The following BRWD3 variants were observed in gnomAD, a reference collection of about 807,000 sequenced individuals.
BRWD3 encodes the protein bromodomain and WD repeat domain containing 3, also known as bromodomain and WD repeat-containing protein 3.
A neutral mutation model predicts 149.7 loss-of-function variants in BRWD3; 10 were observed. The ratio of observed to expected loss-of-function variants is 0.07; its 90% CI spans 0.04 to 0.11. The LOEUF (loss-of-function observed/expected upper bound fraction) is 0.11. Among genes scored for constraint, BRWD3 ranks in the 10% least tolerant of loss-of-function variants. The probability of loss-of-function intolerance (pLI) is 1.00; values close to 1 mark genes in which losing one functional copy is unlikely to be tolerated. For synonymous variants in BRWD3, 504 were observed against 456.7 expected (o/e 1.10, Z -1.32); for missense variants, 940 against 1,373.2 (o/e 0.68, Z 4.99).
intron 6 of BRWD3, among the ~76,000 whole-genome samples, chrX:80,767,443 C>G (rs777060561): frequency 9.0e-6 from 1 of 111,331 alleles, no homozygotes; most frequent in Non-Finnish European, 1.9e-5. Context: ...CAGCAAACAC[C>G]AACAGACCTG....
At chrX:80,742,504 C>T (rs1242520903) in intron 8 of BRWD3, among the ~76,000 whole-genome samples, 2 of 109,263 alleles carry the variant, frequency 1.8e-5, no homozygotes, top group Non-Finnish European at 1.9e-5. Context: ...GCCATTTTCA[C>T]GATACTGATT....
chrX:80,793,550 T>A, intron 5 of BRWD3, 72 bp downstream of exon 5: 1 of 1,030,306 alleles, frequency 9.7e-7, no homozygotes, highest in Non-Finnish European at 1.3e-6. Flanking sequence ...TGGGAACATT[T>A]ACTCAATCTA....
At chrX:80,701,014 C>T (rs1223290304) in intron 24 of BRWD3, among the ~76,000 whole-genome samples, 1 of 110,576 alleles carries the variant, frequency 9.0e-6, no homozygotes, top group Admixed American at 9.7e-5. Flanking sequence ...AACTGACACT[C>T]TAACTATCAA....
chrX:80,721,924 G>A (rs988968884), intron 17 of BRWD3, among the ~76,000 whole-genome samples: 4 of 111,682 alleles, frequency 3.6e-5, no homozygotes, highest in Admixed American at 9.5e-5. Flanking sequence ...TTGGCTCACC[G>A]CAACCTCTGC....
At chrX:80,773,768 T>C (rs1261858757) in intron 6 of BRWD3, among the ~76,000 whole-genome samples, 1 of 112,116 alleles carries the variant, frequency 8.9e-6, no homozygotes, top group African/African-American at 3.2e-5. Flanking sequence ...TCAAAGGTCA[T>C]TTATTCCTTG....
intron 8 of BRWD3, among the ~76,000 whole-genome samples, chrX:80,742,190 T>G (rs1410071715): frequency 9.0e-6 from 1 of 111,339 alleles, no homozygotes; most frequent in East Asian, 2.8e-4. Context: ...TTGCTTGTTT[T>G]TCTCAGGTTT....
chrX:80,702,963 A>C (rs1387697192), intron 24 of BRWD3, among the ~76,000 whole-genome samples: 1 of 111,885 alleles, frequency 8.9e-6, no homozygotes, highest in East Asian at 2.8e-4. Context: ...GTTTTTTACC[A>C]GGTAGAATTT....
At chrX:80,799,116 C>T (rs2074268406) in intron 4 of BRWD3, among the ~76,000 whole-genome samples, 1 of 112,205 alleles carries the variant, frequency 8.9e-6, no homozygotes, top group Non-Finnish European at 1.9e-5. Context: ...GATTATAAAC[C>T]TTCTTGATAG....
At chrX:80,701,052 A>T (rs1334639929) in intron 24 of BRWD3, among the ~76,000 whole-genome samples, 3 of 111,039 alleles carry the variant, frequency 2.7e-5, no homozygotes, top group Non-Finnish European at 1.9e-5. Context: ...TACACATTCC[A>T]TATAAACAGT....
At chrX:80,715,908 GTTATTTTAATACAAATATC>G (rs1292849570) in intron 20 of BRWD3, among the ~76,000 whole-genome samples, 1 of 111,661 alleles carries the variant, frequency 9.0e-6, no homozygotes, top group Non-Finnish European at 1.9e-5. Flanking sequence ...TATAAAAATG[GTTATTTTAATACAAATATC>G]TTACACCTAC....
intron 6 of BRWD3, among the ~76,000 whole-genome samples, chrX:80,777,808 AT>A (rs1176522616): frequency 1.8e-5 from 2 of 110,935 alleles, no homozygotes; most frequent in Non-Finnish European, 3.8e-5. Context: ...TAATTTTCTA[AT>A]TTTTTTAGTT....
intron 6 of BRWD3, among the ~76,000 whole-genome samples, chrX:80,789,772 T>C (rs1446212569): frequency 9.0e-6 from 1 of 110,553 alleles, no homozygotes; most frequent in East Asian, 2.8e-4. Context: ...ATTTAACTTT[T>C]CCCCATTTTT....
intron 6 of BRWD3, among the ~76,000 whole-genome samples, chrX:80,773,209 A>C (rs1271353566): frequency 9.0e-6 from 1 of 111,530 alleles, no homozygotes; most frequent in African/African-American, 3.3e-5. Context: ...TTAGCATGCA[A>C]CATAGATATA....
chrX:80,697,974 G>A (rs945880250), intron 25 of BRWD3, among the ~76,000 whole-genome samples: 6 of 112,047 alleles, frequency 5.4e-5, no homozygotes, highest in Admixed American at 4.7e-4. Flanking sequence ...GCATCTGTTT[G>A]TTTGTTTTGA....
chrX:80,778,420 G>A (rs760753982), intron 6 of BRWD3, among the ~76,000 whole-genome samples: 30 of 111,717 alleles, frequency 2.7e-4, no homozygotes, highest in Non-Finnish European at 1.7e-4. Flanking sequence ...AGCAAGGAGA[G>A]GAGTGCCTTC....
intron 14 of BRWD3, 77 bp downstream of exon 14, chrX:80,728,675 C>T: frequency 1.1e-6 from 1 of 939,446 alleles, no homozygotes; most frequent in Non-Finnish European, 1.5e-6. Context: ...AGAAAGGAAC[C>T]TGGAACTTAA....
intron 6 of BRWD3, among the ~76,000 whole-genome samples, chrX:80,768,850 GAC>G (rs2073898332): frequency 9.2e-6 from 1 of 108,922 alleles, no homozygotes; most frequent in Non-Finnish European, 1.9e-5. Context: ...CAGGTGCAGA[GAC>G]ACACATAGGC....
intron 20 of BRWD3, among the ~76,000 whole-genome samples, chrX:80,715,910 T>A (rs2073068222): frequency 8.9e-6 from 1 of 111,949 alleles, no homozygotes; most frequent in Non-Finnish European, 1.9e-5. Context: ...TAAAAATGGT[T>A]ATTTTAATAC....
intron 20 of BRWD3, among the ~76,000 whole-genome samples, chrX:80,713,496 G>A (rs914283539): frequency 4.6e-5 from 5 of 109,834 alleles, no homozygotes; most frequent in Admixed American, 2.9e-4. Context: ...AAGGCAGCAT[G>A]CTCCTTAAGA....
Sources: allele counts gnomAD v4.1 joint callset (sites outside exome capture counted in the v4.1 genomes callset), GRCh38; gene constraint gnomAD v4.1.1; transcripts MANE v1.5; gene names NCBI Gene and HGNC (gene_info 2026-07-23, HGNC 2026-07-21).